The following ATP6V1E1 variants were observed in gnomAD, a reference collection of about 807,000 sequenced individuals.
ATP6V1E1 encodes the protein V-type proton ATPase subunit E 1.
Under a neutral mutation model 35.2 loss-of-function variants are expected in ATP6V1E1, and 21 were observed. The ratio of observed to expected loss-of-function variants is 0.60; its 90% CI spans 0.42 to 0.86. ATP6V1E1 has a LOEUF of 0.86. ATP6V1E1 is among the 40% of genes least tolerant of loss of function. ATP6V1E1 has a pLI of 0.00. For synonymous variants in ATP6V1E1, 83 were observed against 87.8 expected (o/e 0.95, Z 0.30); for missense variants, 183 against 272.6 (o/e 0.67, Z 2.32).
chr22:17,604,633 C>T (rs1192305094), intron 4 of ATP6V1E1, among the ~76,000 whole-genome samples: 3 of 151,736 alleles, frequency 2.0e-5, no homozygotes, highest in Non-Finnish European at 4.4e-5. Context: ...GATTCTCCTG[C>T]CTCAGCCTCC....
chr22:17,593,801 G>A (rs2057717135), intron 8 of ATP6V1E1, among the ~76,000 whole-genome samples: 1 of 152,216 alleles, frequency 6.6e-6, no homozygotes, highest in South Asian at 2.1e-4. Flanking sequence ...TCTAGAAGAT[G>A]CCCAGCATTT....
At chr22:17,628,359 A>G (rs1334389156) in intron 1 of ATP6V1E1, among the ~76,000 whole-genome samples, 1 of 152,232 alleles carries the variant, frequency 6.6e-6, no homozygotes, top group Non-Finnish European at 1.5e-5. Flanking sequence ...GGAGGCAAAG[A>G]GCCAGGGCGT....
chr22:17,595,659 A>G (rs1053243866), intron 7 of ATP6V1E1, among the ~76,000 whole-genome samples: 1 of 152,046 alleles, frequency 6.6e-6, no homozygotes, highest in African/African-American at 2.4e-5. Context: ...TGTCTCCACT[A>G]AAAATACAAA....
rs767735140 is a variant in ATP6V1E1, at chr22:17,598,175, C to T, written c.530+19G>A. 6.7e-5 allele frequency: 106 copies of T among 1,584,268 alleles called. 1 individual carries two copies. The South Asian group carries it at 1.1e-3, about 16-fold the overall frequency. ...CCCAGGGAGAGAAGGTAGCTGTTAG[C>T]AGCAGGAATACTCCTTACATGTCTT... On this transcript the variant is annotated intron_variant, in intron 7 of 8. Transcript: ENST00000253413.
intron 4 of ATP6V1E1, among the ~76,000 whole-genome samples, chr22:17,601,629 T>C (rs964461191): frequency 1.3e-5 from 2 of 152,218 alleles, no homozygotes; most frequent in Admixed American, 6.5e-5. Flanking sequence ...GTTTTTGAGA[T>C]GGAGTTTCAC....
chr22:17,621,237 C>T (rs2057875774), intron 1 of ATP6V1E1, among the ~76,000 whole-genome samples: 3 of 152,090 alleles, frequency 2.0e-5, no homozygotes, highest in Admixed American at 6.6e-5. Flanking sequence ...GAGATGCTTT[C>T]AAAATGCCTA....
intron 4 of ATP6V1E1, among the ~76,000 whole-genome samples, chr22:17,609,632 C>A (rs2146306090): frequency 6.6e-6 from 1 of 151,892 alleles, no homozygotes; most frequent in African/African-American, 2.4e-5. Flanking sequence ...CCACGCCCGG[C>A]TAATTTTTTG....
At chr22:17,613,408 G>T in intron 2 of ATP6V1E1, 88 bp from the exon 3 acceptor site, 3 of 977,118 alleles carry the variant, frequency 3.1e-6, no homozygotes, top group East Asian at 2.4e-5. Flanking sequence ...ACTTGCTTAT[G>T]AACACTAATT....
intron 2 of ATP6V1E1, among the ~76,000 whole-genome samples, chr22:17,616,465 G>A (rs1224954721): frequency 1.3e-5 from 2 of 151,978 alleles, no homozygotes; most frequent in Admixed American, 1.3e-4. Context: ...GACTGCCTGA[G>A]TTCAGGAGTT....
intron 4 of ATP6V1E1, 94 bp downstream of exon 4, chr22:17,612,718 A>C (rs2057821295): frequency 9.7e-7 from 1 of 1,028,252 alleles, no homozygotes; most frequent in South Asian, 1.7e-5. Context: ...AAGATTATTC[A>C]ATCAACTCCT....
At chr22:17,614,149 G>C (rs1200441215) in intron 2 of ATP6V1E1, among the ~76,000 whole-genome samples, 1 of 152,068 alleles carries the variant, frequency 6.6e-6, no homozygotes, top group African/African-American at 2.4e-5. Flanking sequence ...TCAGGAGTTT[G>C]AGATCGGCCT....
At chr22:17,622,840 G>C (rs1022331201) in intron 1 of ATP6V1E1, among the ~76,000 whole-genome samples, 1 of 151,980 alleles carries the variant, frequency 6.6e-6, no homozygotes. Flanking sequence ...GGTGGTGCAT[G>C]CCTGTAATCC....
Position 17,616,905 on chromosome 22 carries a change from G to A in ATP6V1E1, c.99+2556C>T, listed in dbSNP as rs1402241174. ...CTACTAAAAATACAAAAAATTAGCC[G>A]GGTGTAGTGGCGGGCGCCTGTAGTC... On this transcript the variant is annotated intron_variant, in intron 2 of 8. Transcript: ENST00000253413. 4.3e-5 allele frequency among the ~76,000 whole-genome samples: 5 copies of A among 115,782 alleles called. 2 individuals carry two copies. The highest frequency in any genetic ancestry group is 1.7e-4 in the Admixed American group (2 of 11,956). 76.0% of individuals were successfully genotyped at this position (115,782 alleles called of 152,430 possible).
At chr22:17,617,586 C>T (rs2057853216) in intron 2 of ATP6V1E1, among the ~76,000 whole-genome samples, 1 of 151,210 alleles carries the variant, frequency 6.6e-6, no homozygotes, top group Admixed American at 6.6e-5. Flanking sequence ...GAGCCACCGC[C>T]CCGGCCATAT....
At chr22:17,602,524 G>A (rs1002859370) in intron 4 of ATP6V1E1, among the ~76,000 whole-genome samples, 3 of 152,022 alleles carry the variant, frequency 2.0e-5, no homozygotes, top group African/African-American at 4.8e-5. Context: ...ACAGGCGCAC[G>A]CCACCACACC....
chr22:17,628,627 G>A lies in ATP6V1E1; in HGVS notation c.9C>T (p.Leu3=), dbSNP rs1039058721. 3.1e-6 allele frequency: 5 copies of A among 1,614,076 alleles called. No individual in the cohort carries two copies. In the African/African-American group the frequency reaches 4.0e-5, roughly 13 times the overall value. The change falls in exon 1 of 9, where the codon CTC becomes CTT. Residue 3 remains leucine, a synonymous_variant. Coordinates refer to ENST00000253413, the MANE Select transcript of ATP6V1E1 (RefSeq NM_001696.4). MA[L]SDADVQKQIK... is the part of the protein sequence containing the mutation. Reference sequence around the variant, plus strand: ...CCTGCTTTTGCACGTCAGCATCGCTGAGAGCCATGGCGAGAGCAATGCTAG... The same window carrying A: ...CCTGCTTTTGCACGTCAGCATCGCTAAGAGCCATGGCGAGAGCAATGCTAG...
chr22:17,626,308 A>AC (rs2057904662), intron 1 of ATP6V1E1, among the ~76,000 whole-genome samples: 1 of 115,622 alleles, frequency 8.6e-6, no homozygotes. Flanking sequence ...ACTTCGTCTC[A>AC]AAAAAAAAAA....
At position 17,627,158 on chromosome 22, in the gene ATP6V1E1, C is replaced by CT. The variant is rs112782925; in HGVS notation, c.33+1444dup. Among the ~76,000 whole-genome samples the CT allele has an allele frequency of 1.8e-3, 259 of 146,962 alleles. 1 individual carries two copies. Among genetic ancestry groups the CT allele is most frequent in the African/African-American group, 3.6e-3 (144 of 40,364 alleles). ...GCGCACCCCACTAGGCCCAGACAAT[C>CT]TTTTTTTTTTTATTTTTTTGAGAGG... On this transcript the variant is annotated intron_variant, in intron 1 of 8. Coordinates refer to ENST00000253413, the MANE Select transcript of ATP6V1E1 (RefSeq NM_001696.4).
chr22:17,606,671 C>T (rs1295316854), intron 4 of ATP6V1E1, among the ~76,000 whole-genome samples: 1 of 152,188 alleles, frequency 6.6e-6, no homozygotes, highest in Non-Finnish European at 1.5e-5. Flanking sequence ...TGTGAACAGG[C>T]CACGCACGCT....
Sources: allele counts gnomAD v4.1 joint callset (sites outside exome capture counted in the v4.1 genomes callset), GRCh38; gene constraint gnomAD v4.1.1; transcripts MANE v1.5; gene names NCBI Gene and HGNC (gene_info 2026-07-23, HGNC 2026-07-21).